HS3ST4: variants seen among roughly 807,000 people sequenced by gnomAD.
HS3ST4 encodes heparan sulfate-glucosamine 3-sulfotransferase 4, also known as heparan sulfate glucosamine 3-O-sulfotransferase 4.
A neutral mutation model predicts 29.2 loss-of-function variants in HS3ST4; 17 were observed. The ratio of observed to expected loss-of-function variants is 0.58; its 90% CI spans 0.40 to 0.87. The LOEUF is 0.87. HS3ST4 is among the 40% of genes least tolerant of loss of function. The probability of loss-of-function intolerance (pLI) is 0.00; values close to 1 mark genes in which losing one functional copy is unlikely to be tolerated. For missense variants in HS3ST4, 627 were observed against 634.5 expected (o/e 0.99, Z 0.13); for synonymous variants, 314 against 285.7 (o/e 1.10, Z -1.00).
chr16:26,131,862 C>CA (rs2141816569), intron 1 of HS3ST4, among the ~76,000 whole-genome samples: 1 of 152,322 alleles, frequency 6.6e-6, no homozygotes, highest in African/African-American at 2.4e-5. Flanking sequence ...CCCATCTATT[C>CA]ACTCAACAGA....
rs142744510 is a variant in HS3ST4 at position 25,903,494 on chromosome 16, T to A, written c.734+210343T>A. ...AACAATATGTATATTGATATGGGTA[T>A]GGTTAAATTAAGTGCCCTTCAACTT... On this transcript the variant is annotated intron_variant, in intron 1 of 1. Transcript: ENST00000331351. Among the ~76,000 whole-genome samples, 11 of 152,030 alleles carry A rather than the reference T, an allele frequency of 7.2e-5. No homozygotes were observed. The East Asian group carries it at 2.1e-3, about 29-fold the overall frequency.
chr16:25,912,170 A>G (rs901631911), intron 1 of HS3ST4, among the ~76,000 whole-genome samples: 25 of 152,206 alleles, frequency 1.6e-4, no homozygotes, highest in African/African-American at 6.0e-4. Flanking sequence ...AGATAGTCAT[A>G]ATTAGGATAT....
intron 1 of HS3ST4, among the ~76,000 whole-genome samples, chr16:26,119,659 A>C (rs1399897408): frequency 1.3e-5 from 2 of 151,926 alleles, no homozygotes; most frequent in African/African-American, 4.8e-5. Context: ...TCTTTCACCC[A>C]CCTTTTTATT....
chr16:25,839,520 C>T (rs1253621222), intron 1 of HS3ST4, among the ~76,000 whole-genome samples: 1 of 152,214 alleles, frequency 6.6e-6, no homozygotes, highest in Non-Finnish European at 1.5e-5. Context: ...ATCCTCTCCA[C>T]CCTCCGGACT....
chr16:25,986,723 C>A (rs1459143937), intron 1 of HS3ST4, among the ~76,000 whole-genome samples: 2 of 152,214 alleles, frequency 1.3e-5, no homozygotes, highest in Non-Finnish European at 2.9e-5. Flanking sequence ...GAGAAGAATT[C>A]ACTGGCAAGG....
At chr16:25,770,082 G>A (rs991432412) in intron 1 of HS3ST4, among the ~76,000 whole-genome samples, 7 of 152,242 alleles carry the variant, frequency 4.6e-5, no homozygotes, top group East Asian at 1.9e-4. Flanking sequence ...AGTAAAGATC[G>A]TGGGACCGAG....
intron 1 of HS3ST4, among the ~76,000 whole-genome samples, chr16:25,974,099 G>C (rs1184072012): frequency 6.6e-6 from 1 of 152,142 alleles, no homozygotes; most frequent in Admixed American, 6.5e-5. Context: ...CTTCTTACAC[G>C]ATTGAAAGAA....
At chr16:25,750,868 G>A (rs1486974424) in intron 1 of HS3ST4, among the ~76,000 whole-genome samples, 3 of 151,986 alleles carry the variant, frequency 2.0e-5, no homozygotes, top group African/African-American at 7.3e-5. Flanking sequence ...AGTTCTCTTT[G>A]CTGCCTTAGG....
At chr16:25,784,506 C>T (rs1313949066) in intron 1 of HS3ST4, among the ~76,000 whole-genome samples, 2 of 152,200 alleles carry the variant, frequency 1.3e-5, no homozygotes, top group African/African-American at 4.8e-5. Flanking sequence ...GATAAGAAAG[C>T]AACACAGCTT....
At chr16:25,762,077 A>G (rs574750346) in intron 1 of HS3ST4, among the ~76,000 whole-genome samples, 16 of 152,252 alleles carry the variant, frequency 1.1e-4, no homozygotes, top group African/African-American at 3.4e-4. Context: ...CCATGATAGG[A>G]TTAGTGTCCC....
At chr16:26,065,215 A>C (rs984443290) in intron 1 of HS3ST4, among the ~76,000 whole-genome samples, 1 of 152,228 alleles carries the variant, frequency 6.6e-6, no homozygotes, top group Non-Finnish European at 1.5e-5. Flanking sequence ...AAAGCCATGG[A>C]GTCAACCTGA....
intron 1 of HS3ST4, among the ~76,000 whole-genome samples, chr16:25,901,998 GCTGGGTCT>G (rs1213718429): frequency 4.6e-5 from 7 of 152,294 alleles, no homozygotes; most frequent in African/African-American, 1.4e-4. Flanking sequence ...CAGGTCTGTT[GCTGGGTCT>G]CTGCTTATGT....
chr16:26,107,820 C>A (rs1365691150), intron 1 of HS3ST4, among the ~76,000 whole-genome samples: 1 of 152,140 alleles, frequency 6.6e-6, no homozygotes. Flanking sequence ...GGTGCCCTAT[C>A]TTTGCAATTG....
chr16:26,136,332 C>T lies in HS3ST4; in HGVS notation c.*84C>T. On this transcript the variant is annotated 3_prime_UTR_variant, in exon 2 of 2. Transcript: ENST00000331351. The stretch of plus-strand genomic sequence containing the variant: ...TTGAATACCCCAGCTTCTGCAGCTT[C>T]ACTTGCTGGAGTGCCAAGTAGATCT... The T allele has an allele frequency of 7.7e-7, 1 of 1,304,408 alleles. No individual in the cohort carries two copies. Among genetic ancestry groups the T allele is most frequent in the Non-Finnish European group, 1.0e-6 (1 of 964,940 alleles). 80.8% of individuals were successfully genotyped at this position (1,304,408 alleles called of 1,614,324 possible). A position where few individuals can be genotyped will look rare whatever the true frequency, so the allele number is the denominator to read the frequency against.
At chr16:25,873,854 A>G (rs1228555411) in intron 1 of HS3ST4, among the ~76,000 whole-genome samples, 1 of 152,124 alleles carries the variant, frequency 6.6e-6, no homozygotes, top group African/African-American at 2.4e-5. Context: ...CCCTACATCC[A>G]GCCTTATACC....
At chr16:26,021,246 C>T (rs762939787) in intron 1 of HS3ST4, among the ~76,000 whole-genome samples, 97 of 152,184 alleles carry the variant, frequency 6.4e-4, no homozygotes, top group Non-Finnish European at 9.0e-4. Context: ...TATATATGGG[C>T]GATTTTACAT....
intron 1 of HS3ST4, among the ~76,000 whole-genome samples, chr16:25,764,196 G>A (rs1966804628): frequency 1.3e-5 from 2 of 152,192 alleles, no homozygotes; most frequent in African/African-American, 4.8e-5. Context: ...GCAGGGAGGT[G>A]CTCACAGGCA....
intron 1 of HS3ST4, among the ~76,000 whole-genome samples, chr16:25,811,490 A>G (rs1283925305): frequency 1.5e-5 from 2 of 132,916 alleles, no homozygotes; most frequent in Non-Finnish European, 3.0e-5. Context: ...CTGGAGTGCA[A>G]TGTCACGATC....
At position 25,815,521 on chromosome 16, in the gene HS3ST4, A is replaced by C. The variant is rs183008680; in HGVS notation, c.734+122370A>C. ...GTACTTTTAGTAGAGACGGGATTTC[A>C]CCTTGTTGGCCAGGCTAGTCTCGAA... On this transcript the variant is annotated intron_variant, in intron 1 of 1. Coordinates refer to ENST00000331351, the MANE Select transcript of HS3ST4 (RefSeq NM_006040.3). Among the ~76,000 whole-genome samples the C allele has an allele frequency of 2.2e-3, 333 of 152,100 alleles. 1 individual carries two copies. The highest frequency in any genetic ancestry group is 7.8e-3 in the African/African-American group (324 of 41,484).
Sources: gnomAD v4.1 joint callset for allele counts (sites outside exome capture counted in the v4.1 genomes callset) on GRCh38, gnomAD v4.1.1 for gene constraint, MANE v1.5 for transcripts, NCBI Gene and HGNC (gene_info 2026-07-23, HGNC 2026-07-21) for gene names.